Variants in MPC2 observed in about 807,000 individuals in gnomAD.
MPC2 encodes the protein brain protein 44.
MPC2 carries 19 observed loss-of-function variants against 19.2 expected under a neutral mutation model. That is an observed-to-expected ratio of 0.99 (90% CI 0.69 to 1.45). The LOEUF (loss-of-function observed/expected upper bound fraction) is 1.45. Ranked by LOEUF, MPC2 falls within the 40% of genes most tolerant of loss-of-function variation. The pLI is 0.00. For missense variants in MPC2, 122 were observed against 153.0 expected (o/e 0.80, Z 1.07); for synonymous variants, 61 against 54.3 (o/e 1.12, Z -0.54).
Position 167,918,228 on chromosome 1 carries a change from C to T in MPC2, c.*95G>A. On this transcript the variant is annotated 3_prime_UTR_variant, in exon 6 of 6. Coordinates refer to ENST00000271373, the MANE Select transcript of MPC2 (RefSeq NM_001143674.4). The stretch of plus-strand genomic sequence containing the variant: ...GCTACCAGTTACAGTGCCTTCTAAA[C>T]ACACAGTTAGCTTTGCTTTATCAAT... The T allele has an allele frequency of 3.0e-6, 3 of 1,013,278 alleles. No individual in the cohort carries two copies. Among genetic ancestry groups the T allele is most frequent in the East Asian group, 5.0e-5 (2 of 40,088 alleles). 62.8% of individuals were successfully genotyped at this position (1,013,278 alleles called of 1,614,324 possible).
At chr1:167,927,884 A>G (rs537546259) in intron 2 of MPC2, among the ~76,000 whole-genome samples, 1 of 152,362 alleles carries the variant, frequency 6.6e-6, no homozygotes, top group Admixed American at 6.5e-5. Flanking sequence ...CTATGAAAAC[A>G]AGCTCTAATT....
rs112396873 is a variant in MPC2, at chr1:167,917,490, C to T, written c.*833G>A. 4.6e-3 allele frequency: 688 copies of T among 150,314 alleles called. 8 individuals are homozygous for T. The East Asian group carries it at 0.057, about 12-fold the overall frequency. The allele number at this position is 150,314 out of a possible 1,614,324, so 9.3% of individuals were successfully genotyped here. On this transcript the variant is annotated 3_prime_UTR_variant, in exon 6 of 6. Transcript: ENST00000271373. ...GTGTGTGCCTGTAGTCCCAGCTGCT[C>T]GGGAGGCTGAGGCAGGAGGATCACT...
intron 3 of MPC2, among the ~76,000 whole-genome samples, chr1:167,922,148 T>A (rs1670618707): frequency 6.6e-6 from 1 of 152,176 alleles, no homozygotes; most frequent in African/African-American, 2.4e-5. Context: ...AAGGTAAGTA[T>A]CTAATAGAAG....
chr1:167,921,855 G>T (rs566661870), intron 3 of MPC2, among the ~76,000 whole-genome samples: 107 of 152,238 alleles, frequency 7.0e-4, no homozygotes, highest in South Asian at 1.9e-3. Flanking sequence ...GATTGTCAAT[G>T]AATATATATT....
Position 167,924,285 on chromosome 1 carries a change from CAGA to C in MPC2, c.150+209_150+211del, listed in dbSNP as rs1298065558. 8 of 364,976 alleles carry C rather than the reference CAGA, an allele frequency of 2.2e-5. No individual in the cohort carries two copies. In the East Asian group the frequency reaches 3.4e-4, roughly 16 times the overall value. 22.6% of individuals were successfully genotyped at this position (364,976 alleles called of 1,614,324 possible). ...AGTTTTTTGATAACAAGTATGTTCC[CAGA>C]AGGCCTCTTATCTAAAGAGTTCAGA... is the stretch of plus-strand genomic sequence containing the variant. On this transcript the variant is annotated intron_variant, in intron 3 of 5. Transcript: ENST00000271373.
chr1:167,932,567 G>C (rs1396559322), intron 2 of MPC2, among the ~76,000 whole-genome samples: 1 of 152,062 alleles, frequency 6.6e-6, no homozygotes, highest in Non-Finnish European at 1.5e-5. Context: ...CCAGCACTTT[G>C]GGAGGCCAAG....
chr1:167,933,577 T>G (rs1670974635), intron 2 of MPC2, among the ~76,000 whole-genome samples: 1 of 152,252 alleles, frequency 6.6e-6, no homozygotes, highest in African/African-American at 2.4e-5. Context: ...TTGTAGCATT[T>G]CATATCATTT....
chr1:167,935,573 G>A (rs1377379982), intron 2 of MPC2, among the ~76,000 whole-genome samples, 160 bp downstream of exon 2: 2 of 152,128 alleles, frequency 1.3e-5, no homozygotes, highest in African/African-American at 4.8e-5. Flanking sequence ...CAGGAGAGAG[G>A]GTGAAATGCA....
chr1:167,922,389 T>G (rs542349458), intron 3 of MPC2, among the ~76,000 whole-genome samples: 1 of 152,226 alleles, frequency 6.6e-6, no homozygotes, highest in African/African-American at 2.4e-5. Flanking sequence ...TGTGGTAAAT[T>G]TGAGATCAAA....
chr1:167,935,644 A>T, intron 2 of MPC2, 89 bp downstream of exon 2: 1 of 1,085,406 alleles, frequency 9.2e-7, no homozygotes, highest in Non-Finnish European at 1.4e-6. Context: ...GGATGCCTCT[A>T]GAGGCAGTTG....
intron 2 of MPC2, among the ~76,000 whole-genome samples, chr1:167,925,522 T>TTTTTTTTTTTGG (rs1436509890): frequency 4.2e-5 from 6 of 142,306 alleles, no homozygotes; most frequent in East Asian, 2.0e-4. Flanking sequence ...CAAACAACGT[T>TTTTTTTTTTTGG]TTTTTTTTTT....
intron 2 of MPC2, among the ~76,000 whole-genome samples, chr1:167,931,124 G>GT (rs1370482289): frequency 6.6e-6 from 1 of 152,168 alleles, no homozygotes; most frequent in Admixed American, 6.5e-5. Context: ...TAGAGACAGG[G>GT]TATCACCATG....
chr1:167,918,508 G>A (rs959619016), intron 5 of MPC2, 149 bp from the exon 6 acceptor site: 51 of 483,872 alleles, frequency 1.1e-4, no homozygotes, highest in Middle Eastern at 5.5e-4. Flanking sequence ...GGGCTTACAG[G>A]TAGAAACAGG....
Position 167,920,565 on chromosome 1 carries a change from C to A in MPC2, c.217G>T (p.Ala73Ser), listed in dbSNP as rs1452719800. 2 of 1,613,722 alleles carry A rather than the reference C, an allele frequency of 1.2e-6. No individual in the cohort carries two copies. Among genetic ancestry groups the A allele is most frequent in the African/African-American group, 2.7e-5 (2 of 74,904 alleles). The change falls in exon 4 of 6, where the codon GCT (alanine) becomes TCT (serine). Residue 73 changes from alanine (A) to serine (S), a missense_variant. Ala to Ser is a moderately conservative substitution (Grantham distance 99, BLOSUM62 1). Transcript: ENST00000271373. ...AATTTACCTGTAGCCATCAAAACAG[C>A]AGATTGAGCTGTGCTAAGTTTTTCT... is the stretch of plus-strand genomic sequence containing the variant. ...PAEKLSTAQS[A>S]VLMATGFIWS...
chr1:167,930,774 T>C (rs1161975659), intron 2 of MPC2, among the ~76,000 whole-genome samples: 1 of 152,242 alleles, frequency 6.6e-6, no homozygotes, highest in East Asian at 1.9e-4. Context: ...TATTTCATTC[T>C]CTGTTATAAG....
intron 2 of MPC2, among the ~76,000 whole-genome samples, chr1:167,926,116 T>A (rs1171658223): frequency 6.6e-6 from 1 of 152,232 alleles, no homozygotes; most frequent in East Asian, 1.9e-4. Context: ...CATTATAATG[T>A]TAAACTTTAT....
chr1:167,929,151 G>A (rs776330467), intron 2 of MPC2, among the ~76,000 whole-genome samples: 32 of 152,230 alleles, frequency 2.1e-4, no homozygotes, highest in Middle Eastern at 3.4e-3. Context: ...CAGAGGTGGG[G>A]AGTTTGAGAC....
At chr1:167,919,169 G>A (rs1277745025) in intron 5 of MPC2, among the ~76,000 whole-genome samples, 1 of 152,114 alleles carries the variant, frequency 6.6e-6, no homozygotes, top group African/African-American at 2.4e-5. Context: ...CTTCTGTGAT[G>A]CAGGCAGGCT....
chr1:167,925,478 T>TATATAC (rs1298972592), intron 2 of MPC2, among the ~76,000 whole-genome samples: 1,386 of 122,192 alleles, frequency 0.011, 5 homozygotes, highest in Non-Finnish European at 0.016. Context: ...TATATATACA[T>TATATAC]ATACATATAC....
Sources: allele counts gnomAD v4.1 joint callset (sites outside exome capture counted in the v4.1 genomes callset), GRCh38; gene constraint gnomAD v4.1.1; transcripts MANE v1.5; gene names NCBI Gene and HGNC (gene_info 2026-07-23, HGNC 2026-07-21).